Variants in KHDRBS2 observed in about 807,000 individuals in gnomAD.
KHDRBS2 encodes KH domain-containing, RNA-binding, signal transduction-associated protein 2.
Under a neutral mutation model 44.3 loss-of-function variants are expected in KHDRBS2, and 26 were observed. The observed-to-expected ratio is 0.59, with a 90% CI of 0.43 to 0.81. The LOEUF (loss-of-function observed/expected upper bound fraction) is 0.81, where lower values mean the gene tolerates loss of function less well. KHDRBS2 is among the 40% of genes least tolerant of loss of function. The probability of loss-of-function intolerance (pLI) is 0.00; values close to 1 mark genes in which losing one functional copy is unlikely to be tolerated. For synonymous variants in KHDRBS2, 194 were observed against 151.1 expected (o/e 1.28, Z -2.08); for missense variants, 476 against 433.1 (o/e 1.10, Z -0.88).
the KHDRBS2 span, among the ~76,000 whole-genome samples, chr6:61,595,441 A>G: frequency 3.3e-5 from 5 of 152,154 alleles, no homozygotes; most frequent in Admixed American, 2.0e-4. Flanking sequence ...GTAGAAATCT[A>G]TGTCATTTTT....
chr6:61,681,088 A>G, intron 8 of KHDRBS2, 28 bp from the exon 9 acceptor site: 1 of 1,473,316 alleles, frequency 6.8e-7, no homozygotes, highest in South Asian at 1.1e-5. Context: ...ATAGTAACAC[A>G]CACATGACTT....
At position 61,818,266 on chromosome 6, in the gene KHDRBS2, T is replaced by TAAAAAAAA. The variant is rs60399147; in HGVS notation, c.810+76361_810+76368dup. ...ATTGGGCAGAGAAAACCTCTGTAAG[T>TAAAAAAAA]AAAAAAAAAAAAAAAAAGGATAGTA... On this transcript the variant is annotated intron_variant, in intron 6 of 8. Coordinates refer to ENST00000281156, the MANE Select transcript of KHDRBS2 (RefSeq NM_152688.4). Among the ~76,000 whole-genome samples, 484 of 114,384 alleles carry TAAAAAAAA rather than the reference T, an allele frequency of 4.2e-3. 6 individuals carry two copies. The highest frequency in any genetic ancestry group is 0.014 in the African/African-American group (457 of 31,810). The allele number at this position is 114,384 out of a possible 152,430, so 75.0% of individuals were successfully genotyped here.
At chr6:61,679,119 CA>C (rs1433384703), downstream of KHDRBS2, among the ~76,000 whole-genome samples, 1 of 151,696 alleles carries the variant, frequency 6.6e-6, no homozygotes, top group African/African-American at 2.4e-5. Flanking sequence ...TGGTTAGCAG[CA>C]AAAAAGTAAA....
At chr6:61,649,633 T>C in the KHDRBS2 span, among the ~76,000 whole-genome samples, 3 of 152,174 alleles carry the variant, frequency 2.0e-5, no homozygotes, top group Non-Finnish European at 4.4e-5. Flanking sequence ...TCTTAGTAAA[T>C]AGAACTATCA....
At chr6:61,779,510 T>C (rs1046127997) in intron 6 of KHDRBS2, among the ~76,000 whole-genome samples, 5 of 152,144 alleles carry the variant, frequency 3.3e-5, no homozygotes, top group African/African-American at 4.8e-5. Context: ...TAGAATATAG[T>C]GGCAAATAAT....
At chr6:62,204,585 T>C (rs1249027585) in intron 1 of KHDRBS2, among the ~76,000 whole-genome samples, 1 of 152,174 alleles carries the variant, frequency 6.6e-6, no homozygotes, top group Non-Finnish European at 1.5e-5. Context: ...TTTTGGAGCA[T>C]TTCAGATTTT....
At chr6:61,764,294 T>C (rs1779686508) in intron 6 of KHDRBS2, among the ~76,000 whole-genome samples, 1 of 152,170 alleles carries the variant, frequency 6.6e-6, no homozygotes, top group African/African-American at 2.4e-5. Flanking sequence ...AGTGAACATA[T>C]GTATATATGC....
intron 2 of KHDRBS2, among the ~76,000 whole-genome samples, chr6:62,161,009 A>C (rs1817508476): frequency 6.6e-6 from 1 of 152,054 alleles, no homozygotes; most frequent in African/African-American, 2.4e-5. Flanking sequence ...GGAGGTTACC[A>C]TTCTACGTTC....
At chr6:61,877,854 T>C (rs2127312759) in intron 6 of KHDRBS2, among the ~76,000 whole-genome samples, 1 of 151,996 alleles carries the variant, frequency 6.6e-6, no homozygotes, top group East Asian at 1.9e-4. Flanking sequence ...TTTCTAAATC[T>C]TTTTTAAAAA....
intron 3 of KHDRBS2, among the ~76,000 whole-genome samples, chr6:61,989,985 T>C (rs1395819734): frequency 6.6e-6 from 1 of 152,234 alleles, no homozygotes; most frequent in Non-Finnish European, 1.5e-5. Flanking sequence ...GGCTAACTTG[T>C]ATGTTCTTTC....
At chr6:61,954,908 GCA>G (rs1430887314) in intron 4 of KHDRBS2, among the ~76,000 whole-genome samples, 18 of 79,568 alleles carry the variant, frequency 2.3e-4, no homozygotes, top group African/African-American at 7.9e-4. Context: ...ACATATGTGT[GCA>G]TACATATATA....
At chr6:61,994,245 A>C (rs1233245936) in intron 3 of KHDRBS2, among the ~76,000 whole-genome samples, 1 of 152,192 alleles carries the variant, frequency 6.6e-6, no homozygotes, top group Admixed American at 6.5e-5. Flanking sequence ...GGATATGGTC[A>C]CTTCAGTCTT....
chr6:61,690,669 T>A (rs771134733), intron 8 of KHDRBS2, among the ~76,000 whole-genome samples: 1 of 152,016 alleles, frequency 6.6e-6, no homozygotes, highest in Non-Finnish European at 1.5e-5. Context: ...ACTTAAAATA[T>A]CAGGTTCTCT....
At chr6:61,914,525 G>T (rs533637685) in intron 4 of KHDRBS2, among the ~76,000 whole-genome samples, 1 of 146,062 alleles carries the variant, frequency 6.8e-6, no homozygotes, top group African/African-American at 2.5e-5. Context: ...AGGGGGAGGG[G>T]GGAGGGATAG....
intron 6 of KHDRBS2, among the ~76,000 whole-genome samples, chr6:61,844,432 T>C (rs2127275229): frequency 6.6e-6 from 1 of 152,276 alleles, no homozygotes; most frequent in East Asian, 1.9e-4. Context: ...CCTGCATCTA[T>C]CTTATAAATC....
At chr6:62,050,508 G>C (rs1788769065) in intron 2 of KHDRBS2, among the ~76,000 whole-genome samples, 2 of 151,396 alleles carry the variant, frequency 1.3e-5, no homozygotes, top group Admixed American at 6.6e-5. Context: ...TAAGCCACAG[G>C]CTGAGAGAAA....
At chr6:62,280,707 A>T (rs1841673839) in intron 1 of KHDRBS2, among the ~76,000 whole-genome samples, 1 of 152,248 alleles carries the variant, frequency 6.6e-6, no homozygotes, top group African/African-American at 2.4e-5. Context: ...CAAGTGAAAG[A>T]AGTATTCTAT....
chr6:61,550,765 TC>T, the KHDRBS2 span, among the ~76,000 whole-genome samples: 23 of 89,640 alleles, frequency 2.6e-4, no homozygotes, highest in Non-Finnish European at 4.4e-4. Flanking sequence ...TGAGATGGTA[TC>T]TTTTTTTTTT....
intron 4 of KHDRBS2, among the ~76,000 whole-genome samples, chr6:61,953,991 G>C (rs1254068493): frequency 2.0e-5 from 3 of 152,156 alleles, no homozygotes; most frequent in Non-Finnish European, 4.4e-5. Context: ...AACAGATGGT[G>C]ATACAAACAT....
Sources: gnomAD v4.1 joint callset for allele counts (sites outside exome capture counted in the v4.1 genomes callset) on GRCh38, gnomAD v4.1.1 for gene constraint, MANE v1.5 for transcripts, NCBI Gene and HGNC (gene_info 2026-07-23, HGNC 2026-07-21) for gene names.